The following TMC4 variants were observed in gnomAD, a reference collection of about 807,000 sequenced individuals.
The protein encoded by TMC4 is transmembrane channel like 4.
TMC4 carries 70 observed loss-of-function variants against 82.0 expected under a neutral mutation model. The observed-to-expected ratio is 0.85, with a 90% CI of 0.70 to 1.04. The LOEUF is 1.04. TMC4 is among the 50% of genes least tolerant of loss of function. TMC4 has a pLI of 0.00. For synonymous variants in TMC4, 446 were observed against 406.0 expected (o/e 1.10, Z -1.18); for missense variants, 879 against 899.0 (o/e 0.98, Z 0.28).
intron 3 of TMC4, 43 bp from the exon 4 acceptor site, chr19:54,168,723 G>A: frequency 7.3e-7 from 1 of 1,371,484 alleles, no homozygotes. Flanking sequence ...CTTCCCGGGA[G>A]CAGGACCAGC....
At position 54,173,045 on chromosome 19, in the gene TMC4, TGGCCTCCCGGGG is replaced by T. The variant is rs1488634870; in HGVS notation, c.61_72del (p.Pro21_Ala24del). ...TTCTCCTGGCATTCCCTACCTCCTC[TGGCCTCCCGGGG>T]GGCCAGCCACTCCCTAGAGGAGCCC... On this transcript the variant is annotated inframe_deletion, in exon 1 of 15. Coordinates refer to ENST00000619895, the MANE Select transcript of TMC4 (RefSeq NM_144686.4). The T allele has an allele frequency of 6.2e-7, 1 of 1,612,626 alleles. No individual in the cohort carries two copies. The highest frequency in any genetic ancestry group is 1.3e-5 in the African/African-American group (1 of 74,866).
At chr19:54,164,261 C>T (rs1319701183) in intron 7 of TMC4, among the ~76,000 whole-genome samples, 173 bp downstream of exon 7, 1 of 152,088 alleles carries the variant, frequency 6.6e-6, no homozygotes. Context: ...GTGTAAGCCA[C>T]CGCGCCCAGC....
chr19:54,168,466 G>A lies in TMC4; in HGVS notation c.657C>T (p.Phe219=), dbSNP rs1241557773. Reference sequence around the variant, plus strand: ...CACCTACCTCACCCGAGAGCAAGTTGAAGAGCTGGGTGGCAAAGGTGACCA... The same window carrying A: ...CACCTACCTCACCCGAGAGCAAGTTAAAGAGCTGGGTGGCAAAGGTGACCA... The part of the protein sequence containing the change: ...QGLVTFATQL[F]NLLSGEGYLE... Residue 219 remains phenylalanine (F), a synonymous_variant, in exon 4 of 15, where the codon TTC becomes TTT. Coordinates refer to ENST00000619895, the MANE Select transcript of TMC4 (RefSeq NM_144686.4). 1 of 1,545,848 alleles carries A rather than the reference G, an allele frequency of 6.5e-7. No individual in the cohort carries two copies. Among genetic ancestry groups the A allele is most frequent in the African/African-American group, 1.4e-5 (1 of 72,878 alleles).
Position 54,163,680 on chromosome 19 carries a change from C to T in TMC4, c.1277+44G>A, listed in dbSNP as rs780824825. 7.5e-6 allele frequency: 12 copies of T among 1,609,046 alleles called. No individual in the cohort carries two copies. The African/African-American group carries it at 1.6e-4, about 22-fold the overall frequency. On this transcript the variant is annotated intron_variant, in intron 8 of 14. Transcript: ENST00000619895. ...GTCAGCGCCAACATCCCTCTGACCG[C>T]CCCCACCCTTCATCATTCCCAGCCA...
At chr19:54,163,196 G>C in intron 8 of TMC4, 37 bp from the exon 9 acceptor site, 1 of 1,611,934 alleles carries the variant, frequency 6.2e-7, no homozygotes. Flanking sequence ...CCCTGACCCG[G>C]TACCCACCAT....
Position 54,169,555 on chromosome 19 carries a change from C to A in TMC4, c.399G>T (p.Leu133Phe). The A allele has an allele frequency of 6.2e-7, 1 of 1,613,910 alleles. No individual in the cohort carries two copies. ...RRSKEKTKEG[L>F]RSLQPWAWTL... ...TCCACGCCCAGGGCTGCAGGCTTCG[C>A]AAGCCTTCCTTTGTTTTCTCCTTGG... is the stretch of plus-strand genomic sequence containing the variant. The change falls in exon 3 of 15, where the codon TTG becomes TTT. Residue 133 changes from leucine (L) to phenylalanine (F), a missense_variant. Transcript: ENST00000619895.
In TMC4 at chr19:54,162,152, G is replaced by A; in HGVS notation, c.1636C>T (p.Leu546=). 6.2e-7 allele frequency: 1 copy of A among 1,613,848 alleles called. No individual in the cohort carries two copies. The highest frequency in any genetic ancestry group is 8.5e-7 in the Non-Finnish European group (1 of 1,179,930). Residue 546 remains leucine (L), a synonymous_variant, in exon 11 of 15, where the codon CTG becomes TTG. Coordinates refer to ENST00000619895, the MANE Select transcript of TMC4 (RefSeq NM_144686.4). ...AACTTGACCGTGTTAAGCAGGGGCA[G>A]TAAAGGGCAGAAAAAACTCCCCACC... ...VWVGSFFCPL[L]PLLNTVKFLL... is the part of the protein sequence containing the mutation.
At position 54,168,799 on chromosome 19, in the gene TMC4, TTTCTTTTC is replaced by T; in HGVS notation, c.443-127_443-120del. On this transcript the variant is annotated intron_variant, in intron 3 of 14. Transcript: ENST00000619895. ...TCTTTCTTTCTTTTCTTTTCTTTCT[TTTCTTTTC>T]TTTTCTTTTCTTTTCTTTTCTTTTC... The T allele has an allele frequency of 5.3e-5, 3 of 56,310 alleles. 1 individual carries two copies. The highest frequency in any genetic ancestry group is 8.0e-5 in the Non-Finnish European group (3 of 37,456). The allele number at this position is 56,310 out of a possible 1,614,324, so 3.5% of individuals were successfully genotyped here.
At chr19:54,164,669 C>A in intron 6 of TMC4, 68 bp from the exon 7 acceptor site, 2 of 1,592,888 alleles carry the variant, frequency 1.3e-6, no homozygotes, top group Middle Eastern at 1.7e-4. Flanking sequence ...TTCCCCAGGT[C>A]TGGCTCTCCA....
rs2075622886 is a variant in TMC4, at chr19:54,163,548, G to A, written c.1277+176C>T. The stretch of plus-strand genomic sequence containing the variant: ...GTCTCGAACTCCTGACCTCAGCCTC[G>A]GCCTCCCAAAGTGCTGGGATTACAG... On this transcript the variant is annotated intron_variant, in intron 8 of 14. Transcript: ENST00000619895. The A allele has an allele frequency of 3.3e-5, 25 of 754,264 alleles. No individual in the cohort carries two copies. In the South Asian group the frequency reaches 3.8e-4, roughly 11 times the overall value. The allele number at this position is 754,264 out of a possible 1,614,324, so 46.7% of individuals were successfully genotyped here.
rs549469887 is a variant in TMC4, at chr19:54,169,709, G to A, written c.294-49C>T. ...TGAGGGGTTTCGCAGCCCCAGACTGGGAACCATCTGAATGTAGACACAATC... is the reference window on the plus strand; with the variant it reads ...TGAGGGGTTTCGCAGCCCCAGACTGAGAACCATCTGAATGTAGACACAATC... On this transcript the variant is annotated intron_variant, in intron 2 of 14. Transcript: ENST00000619895. 6 of 1,601,946 alleles carry A rather than the reference G, an allele frequency of 3.7e-6. No homozygotes were observed. In the African/African-American group the frequency reaches 6.7e-5, roughly 18 times the overall value.
chr19:54,164,567 G>T lies in TMC4; in HGVS notation c.980C>A (p.Ala327Asp). Residue 327 changes from alanine (A) to aspartate (D), a missense_variant, in exon 7 of 15, where the codon GCT becomes GAT. Transcript: ENST00000619895. The stretch of plus-strand genomic sequence containing the variant: ...TTGCTGGCCCAGCGTCCGCACCGCA[G>T]CCTGGCGCCGCACCACTGTCTCCTC... The part of the protein sequence containing the change: ...ELEETVVRRQ[A>D]AVRTLGQQAR... The T allele has an allele frequency of 6.2e-7, 1 of 1,613,638 alleles. No individual in the cohort carries two copies. Among genetic ancestry groups the T allele is most frequent in the South Asian group, 1.1e-5 (1 of 91,082 alleles).
At chr19:54,169,456 C>A in intron 3 of TMC4, 56 bp downstream of exon 3, 1 of 1,556,048 alleles carries the variant, frequency 6.4e-7, no homozygotes. Flanking sequence ...CCCCTCCTCC[C>A]TCAGACCCAG....
At chr19:54,166,611 C>G (rs895663498) in intron 5 of TMC4, among the ~76,000 whole-genome samples, 1 of 152,134 alleles carries the variant, frequency 6.6e-6, no homozygotes, top group South Asian at 2.1e-4. Context: ...CAACTCAGAC[C>G]GTATTCCCCT....
In TMC4 at chr19:54,165,469, C is replaced by T. The variant is rs2075679675; in HGVS notation, c.895G>A (p.Gly299Arg). ...TGGCGCAGCCGCACGTGGACGTCCC[C>T]GCAGAGACCGAAGTCCCAGGCCGAG... is the stretch of plus-strand genomic sequence containing the variant. ...VFSAWDFGLC[G>R]DVHVRLRQRI... Residue 299 changes from glycine to arginine, a missense_variant, in exon 6 of 15, where the codon GGG (glycine) becomes AGG (arginine). Transcript: ENST00000619895. 1.9e-6 allele frequency: 3 copies of T among 1,612,870 alleles called. No individual in the cohort carries two copies. The highest frequency in any genetic ancestry group is 2.5e-6 in the Non-Finnish European group (3 of 1,179,548).
chr19:54,169,521 T>C lies in TMC4; in HGVS notation c.433A>G (p.Arg145Gly). Reference protein sequence around the residue: ...SLQPWAWTLKRIGGQFGAGTE... With the variant: ...SLQPWAWTLKGIGGQFGAGTE... Reference sequence around the variant, plus strand: ...CCAAACCCCACCGCACCCCCGATCCTCTTCAGTGTCCACGCCCAGGGCTGC... The same window carrying C: ...CCAAACCCCACCGCACCCCCGATCCCCTTCAGTGTCCACGCCCAGGGCTGC... The change falls in exon 3 of 15, where the codon AGG (arginine) becomes GGG (glycine). Residue 145 changes from arginine (R) to glycine (G), a missense_variant. Transcript: ENST00000619895. The C allele has an allele frequency of 6.2e-7, 1 of 1,603,286 alleles. No individual in the cohort carries two copies.
chr19:54,160,368 G>C lies in TMC4; in HGVS notation c.2059C>G (p.Gln687Glu). The C allele has an allele frequency of 6.5e-7, 1 of 1,537,906 alleles. No individual in the cohort carries two copies. The highest frequency in any genetic ancestry group is 8.8e-7 in the Non-Finnish European group (1 of 1,141,440). Residue 687 changes from glutamine to glutamate, a missense_variant, in exon 15 of 15, where the codon CAG becomes GAG. Gln to Glu is a conservative substitution (Grantham distance 29). Coordinates refer to ENST00000619895, the MANE Select transcript of TMC4 (RefSeq NM_144686.4). The part of the protein sequence containing the change: ...ELKRQRETEA[Q>E]NKVFLARRAV... Reference sequence around the variant, plus strand: ...CGCCGTGCCAGGAAGACTTTATTCTGCGCCTCCTGGGGCAAAGAGAGGTGG... The same window carrying C: ...CGCCGTGCCAGGAAGACTTTATTCTCCGCCTCCTGGGGCAAAGAGAGGTGG...
In TMC4 at chr19:54,171,193, CT is replaced by C. The variant is rs2075880657; in HGVS notation, c.293+676del. 2.2e-5 allele frequency among the ~76,000 whole-genome samples: 3 copies of C among 135,468 alleles called. No homozygotes were observed. In the Admixed American group the frequency reaches 2.3e-4, roughly 10 times the overall value. The allele number at this position is 135,468 out of a possible 152,430, so 88.9% of individuals were successfully genotyped here. ...GCACGATCTTGGCTCACTGCAACCTCTATCTCCCTGGTTCAAGCGATTCTCC... is the reference window on the plus strand; with the variant it reads ...GCACGATCTTGGCTCACTGCAACCTCATCTCCCTGGTTCAAGCGATTCTCC... On this transcript the variant is annotated intron_variant, in intron 2 of 14. Transcript: ENST00000619895.
chr19:54,165,615 G>A (rs1245873529), intron 5 of TMC4, 49 bp from the exon 6 acceptor site: 4 of 1,561,272 alleles, frequency 2.6e-6, no homozygotes, highest in African/African-American at 2.7e-5. Context: ...AGCCAGGAAC[G>A]GGGGTTATGG....
Sources: allele counts gnomAD v4.1 joint callset (sites outside exome capture counted in the v4.1 genomes callset), GRCh38; gene constraint gnomAD v4.1.1; transcripts MANE v1.5; gene names NCBI Gene and HGNC (gene_info 2026-07-23, HGNC 2026-07-21).